LRRC37A2: variants seen among roughly 807,000 people sequenced by gnomAD.
LRRC37A2 encodes the protein leucine-rich repeat-containing protein 37A2.
A neutral mutation model predicts 68.8 loss-of-function variants in LRRC37A2; 9 were observed. The ratio of observed to expected loss-of-function variants is 0.13; its 90% CI spans 0.08 to 0.23. LRRC37A2 has a LOEUF of 0.23. LRRC37A2 is among the 10% of genes least tolerant of loss of function. The pLI, the probability that LRRC37A2 is intolerant of heterozygous loss-of-function variation, is 1.00. For synonymous variants in LRRC37A2, 63 were observed against 367.6 expected, an observed-to-expected ratio of 0.17 and a Z score of 9.48; for missense variants, 168 against 950.4, an observed-to-expected ratio of 0.18 and a Z score of 10.82.
chr17:46,971,060 T>A, the LRRC37A2 span, among the ~76,000 whole-genome samples: 1 of 152,150 alleles, frequency 6.6e-6, no homozygotes, highest in African/African-American at 2.4e-5. Flanking sequence ...TATCATCGCT[T>A]TAAAACATAG....
chr17:46,980,771 T>G, the LRRC37A2 span, among the ~76,000 whole-genome samples: 5 of 151,032 alleles, frequency 3.3e-5, no homozygotes, highest in Non-Finnish European at 7.4e-5. Flanking sequence ...AGGTGAAGCT[T>G]GCAGTGAGCC....
the LRRC37A2 span, among the ~76,000 whole-genome samples, chr17:46,955,031 G>A: frequency 1.1e-4 from 16 of 152,144 alleles, no homozygotes; most frequent in Admixed American, 3.3e-4. Context: ...TGATTGCCCT[G>A]GCCAGAACTT....
the LRRC37A2 span, among the ~76,000 whole-genome samples, chr17:46,806,569 T>C: frequency 6.6e-6 from 1 of 152,186 alleles, no homozygotes; most frequent in Non-Finnish European, 1.5e-5. Context: ...GAGGCTGCTT[T>C]AGCTTCCAGG....
chr17:46,985,048 G>A, the LRRC37A2 span, among the ~76,000 whole-genome samples: 1 of 152,238 alleles, frequency 6.6e-6, no homozygotes, highest in African/African-American at 2.4e-5. Context: ...CCTGCTGCCT[G>A]TTTGCCCAGT....
the LRRC37A2 span, chr17:46,933,320 T>G: frequency 1.1e-4 from 17 of 152,324 alleles, no homozygotes; most frequent in East Asian, 3.3e-3. Flanking sequence ...TTCTGAGAGA[T>G]AATGGCCCAT....
chr17:47,005,931 T>C, the LRRC37A2 span: 1 of 152,260 alleles, frequency 6.6e-6, no homozygotes, highest in Admixed American at 6.5e-5. Flanking sequence ...TCTCATTGTT[T>C]TAGAAACCTG....
At chr17:46,940,104 G>C in the LRRC37A2 span, 1 of 1,167,674 alleles carries the variant, frequency 8.6e-7, no homozygotes, top group Non-Finnish European at 1.1e-6. Context: ...CTTCCTTTCT[G>C]TGTTCCTCTT....
chr17:46,755,936 T>TC, the LRRC37A2 span: 1 of 990,916 alleles, frequency 1.0e-6, no homozygotes, highest in African/African-American at 1.6e-5. Flanking sequence ...TTCTCTACCT[T>TC]CAACATGTGC....
chr17:46,907,686 AAAC>A, the LRRC37A2 span, among the ~76,000 whole-genome samples: 322 of 140,580 alleles, frequency 2.3e-3, 6 homozygotes, highest in African/African-American at 8.0e-3. Context: ...AAAAAAAAAA[AAAC>A]AAAAAACCCA....
the LRRC37A2 span, among the ~76,000 whole-genome samples, chr17:46,825,042 C>T: frequency 2.0e-5 from 3 of 152,210 alleles, no homozygotes; most frequent in African/African-American, 7.2e-5. Context: ...CCCTTTCTTT[C>T]TCTTCAGCCT....
chr17:46,919,486 T>C, the LRRC37A2 span, among the ~76,000 whole-genome samples: 3 of 152,186 alleles, frequency 2.0e-5, no homozygotes, highest in Non-Finnish European at 4.4e-5. Flanking sequence ...AATTTCCTTA[T>C]CTGCCTTATC....
chr17:46,499,311 C>CAAA, the LRRC37A2 span, among the ~76,000 whole-genome samples: 79 of 60,348 alleles, frequency 1.3e-3, no homozygotes, highest in Non-Finnish European at 1.5e-3. Context: ...GACTCCAGCT[C>CAAA]AAAAAAAAAA....
chr17:46,949,814 G>A, the LRRC37A2 span, among the ~76,000 whole-genome samples: 1 of 152,200 alleles, frequency 6.6e-6, no homozygotes, highest in Non-Finnish European at 1.5e-5. Context: ...GCAAAGGGGT[G>A]TGCTCTGGGA....
the LRRC37A2 span, among the ~76,000 whole-genome samples, chr17:46,610,007 C>CTCTTTCTT: frequency 4.5e-3 from 530 of 116,966 alleles, 3 homozygotes; most frequent in African/African-American, 0.012. Context: ...CTTTCTTTCT[C>CTCTTTCTT]TCTTTCTTTC....
the LRRC37A2 span, among the ~76,000 whole-genome samples, chr17:46,774,556 T>A: frequency 2.6e-5 from 4 of 152,242 alleles, no homozygotes; most frequent in Non-Finnish European, 5.9e-5. Context: ...CATGAGAGAC[T>A]GGAGCTTGGC....
the LRRC37A2 span, among the ~76,000 whole-genome samples, chr17:46,889,228 C>T: frequency 1.2e-4 from 19 of 152,088 alleles, no homozygotes; most frequent in Non-Finnish European, 2.5e-4. Context: ...TATCTAGATG[C>T]AGGATGGGGA....
chr17:46,801,274 C>T, the LRRC37A2 span, among the ~76,000 whole-genome samples: 1 of 152,166 alleles, frequency 6.6e-6, no homozygotes. Flanking sequence ...GAGGAGTATA[C>T]AACAACACAG....
At chr17:46,876,821 TA>T in the LRRC37A2 span, 1 of 1,441,184 alleles carries the variant, frequency 6.9e-7, no homozygotes, top group Non-Finnish European at 9.1e-7. Flanking sequence ...CATGCATGCA[TA>T]AACCGGCATG....
At chr17:46,830,625 C>T in the LRRC37A2 span, 1 of 398,550 alleles carries the variant, frequency 2.5e-6, no homozygotes, top group East Asian at 3.6e-5. Context: ...TTTCTTTTTT[C>T]TCCAGAATTT....
Sources: allele counts gnomAD v4.1 joint callset (sites outside exome capture counted in the v4.1 genomes callset), GRCh38; gene constraint gnomAD v4.1.1; transcripts MANE v1.5; gene names NCBI Gene and HGNC (gene_info 2026-07-23, HGNC 2026-07-21).